Variants in NDUFA9 observed in about 807,000 individuals in gnomAD.
NDUFA9 encodes the protein NADH:ubiquinone oxidoreductase subunit A9, also known as NADH dehydrogenase [ubiquinone] 1 alpha subcomplex subunit 9, mitochondrial.
A neutral mutation model predicts 45.9 loss-of-function variants in NDUFA9; 23 were observed. The ratio of observed to expected loss-of-function variants is 0.50; its 90% CI spans 0.36 to 0.71. The LOEUF is 0.71. Ranked by LOEUF, NDUFA9 falls within the 30% of genes least tolerant of loss-of-function variation. The probability of loss-of-function intolerance (pLI) is 0.00; values close to 1 mark genes in which losing one functional copy is unlikely to be tolerated. For missense variants in NDUFA9, 466 were observed against 488.2 expected (o/e 0.95, Z 0.43); for synonymous variants, 176 against 170.5 (o/e 1.03, Z -0.25).
chr12:4,672,450 C>T (rs975706610), intron 8 of NDUFA9, among the ~76,000 whole-genome samples: 7 of 152,210 alleles, frequency 4.6e-5, no homozygotes, highest in African/African-American at 1.4e-4. Flanking sequence ...GCGGGTCCCA[C>T]CCCCACAGAG....
chr12:4,651,315 A>C (rs753553395), intron 1 of NDUFA9, among the ~76,000 whole-genome samples: 2 of 152,172 alleles, frequency 1.3e-5, no homozygotes, highest in Non-Finnish European at 2.9e-5. Context: ...AATGGAAGAA[A>C]GTGGAGAGGC....
chr12:4,683,438 A>G (rs530278720), intron 9 of NDUFA9, among the ~76,000 whole-genome samples: 1 of 152,326 alleles, frequency 6.6e-6, no homozygotes, highest in African/African-American at 2.4e-5. Flanking sequence ...TAGATAATGT[A>G]CTAGGTACTC....
chr12:4,649,707 T>C (rs912908987), intron 1 of NDUFA9, among the ~76,000 whole-genome samples: 4 of 152,188 alleles, frequency 2.6e-5, no homozygotes, highest in African/African-American at 9.7e-5. Context: ...CAAAAGCGTC[T>C]CTACGGATGT....
intron 8 of NDUFA9, among the ~76,000 whole-genome samples, chr12:4,670,953 G>T (rs1314331902): frequency 1.3e-5 from 2 of 152,070 alleles, no homozygotes; most frequent in Non-Finnish European, 2.9e-5. Context: ...TTTTACCTTT[G>T]CCCAGCCATT....
Position 4,674,154 on chromosome 12 carries a change from A to G in NDUFA9, c.800+4337A>G, listed in dbSNP as rs1256751717. ...ATCACCACCAGGCCTGCCTTACAAGAGCTCCTGAAGGAAGCACTAAACATG... is the reference window on the plus strand; with the variant it reads ...ATCACCACCAGGCCTGCCTTACAAGGGCTCCTGAAGGAAGCACTAAACATG... On this transcript the variant is annotated intron_variant, in intron 8 of 10. Transcript: ENST00000266544. Among the ~76,000 whole-genome samples, 3 of 152,200 alleles carry G rather than the reference A, an allele frequency of 2.0e-5. No individual in the cohort carries two copies. In the East Asian group the frequency reaches 5.8e-4, roughly 29 times the overall value.
chr12:4,674,018 A>G (rs1945903736), intron 8 of NDUFA9, among the ~76,000 whole-genome samples: 1 of 152,220 alleles, frequency 6.6e-6, no homozygotes, highest in Non-Finnish European at 1.5e-5. Context: ...AACATTCAAC[A>G]TTCTTAAAGA....
chr12:4,668,396 C>A, intron 6 of NDUFA9, 61 bp from the exon 7 acceptor site: 1 of 1,274,262 alleles, frequency 7.8e-7, no homozygotes, highest in Non-Finnish European at 1.1e-6. Flanking sequence ...AATCTTAAGA[C>A]TGTTGGATCT....
chr12:4,669,976 T>C (rs1439999619), intron 8 of NDUFA9, among the ~76,000 whole-genome samples, 159 bp downstream of exon 8: 1 of 152,222 alleles, frequency 6.6e-6, no homozygotes, highest in East Asian at 1.9e-4. Flanking sequence ...GAATCTACTT[T>C]AATGAATGAT....
chr12:4,659,178 G>A lies in NDUFA9; in HGVS notation c.552+1G>A. The A allele has an allele frequency of 6.2e-7, 1 of 1,609,922 alleles. No homozygotes were observed. The highest frequency in any genetic ancestry group is 8.5e-7 in the Non-Finnish European group (1 of 1,177,034). Reference sequence around the variant, plus strand: ...CTCTTCTAGATATTTGAGAAATAAGGTAAGTAACAAATTGATCTGGGAAGT... The same window carrying A: ...CTCTTCTAGATATTTGAGAAATAAGATAAGTAACAAATTGATCTGGGAAGT... On this transcript the variant is annotated splice_donor_variant, in intron 5 of 10. Transcript: ENST00000266544. LOFTEE classifies it high-confidence loss of function.
Position 4,654,833 on chromosome 12 carries a change from G to A in NDUFA9, c.229G>A (p.Gly77Arg). 5 of 1,610,926 alleles carry A rather than the reference G, an allele frequency of 3.1e-6. No homozygotes were observed. Among genetic ancestry groups the A allele is most frequent in the Non-Finnish European group, 4.2e-6 (5 of 1,178,810 alleles). The change falls in exon 3 of 11, where the codon GGG (glycine) becomes AGG (arginine). Residue 77 changes from glycine (G) to arginine (R), a missense_variant. By Grantham distance (125) the Gly-to-Arg change is moderately radical. Transcript: ENST00000266544. ...AATCCATTCTCTTTTAGGACGCATG[G>A]GGTCACAGGTAATCATACCCTATCG... ...RYVVNHLGRM[G>R]SQVIIPYRCD...
At chr12:4,663,058 T>C (rs1406523711) in intron 6 of NDUFA9, among the ~76,000 whole-genome samples, 2 of 152,234 alleles carry the variant, frequency 1.3e-5, no homozygotes, top group African/African-American at 2.4e-5. Context: ...GGATATTACA[T>C]ATATGGTTAG....
chr12:4,683,251 G>A (rs572357489), intron 9 of NDUFA9, among the ~76,000 whole-genome samples: 6 of 151,538 alleles, frequency 4.0e-5, no homozygotes, highest in South Asian at 2.1e-4. Context: ...CTCCTTTCTC[G>A]TCCTAGGTTT....
intron 8 of NDUFA9, among the ~76,000 whole-genome samples, chr12:4,673,916 G>A (rs1033524515): frequency 6.6e-6 from 1 of 152,208 alleles, no homozygotes; most frequent in African/African-American, 2.4e-5. Context: ...GGCAGCCAGA[G>A]AAAAAGGTCA....
Position 4,665,750 on chromosome 12 carries a change from T to TG in NDUFA9, c.656-2707_656-2706insG, listed in dbSNP as rs200868346. Among the ~76,000 whole-genome samples the TG allele has an allele frequency of 3.2e-3, 489 of 151,860 alleles. 3 individuals are homozygous for TG. Among genetic ancestry groups the TG allele is most frequent in the African/African-American group, 0.011 (451 of 41,466 alleles). On this transcript the variant is annotated intron_variant, in intron 6 of 10. Coordinates refer to ENST00000266544, the MANE Select transcript of NDUFA9 (RefSeq NM_005002.5). ...TGTCAATATTTGTTATTTTCTGTTT[T>TG]TTTTTTTTTTTATAATAGCCATCCT...
Position 4,662,069 on chromosome 12 carries a change from AG to A in NDUFA9, c.553-462del, listed in dbSNP as rs568622247. 1.1e-3 allele frequency among the ~76,000 whole-genome samples: 160 copies of A among 152,326 alleles called. 1 individual carries two copies. Among genetic ancestry groups the A allele is most frequent in the African/African-American group, 3.5e-3 (147 of 41,582 alleles). On this transcript the variant is annotated intron_variant, in intron 5 of 10. Transcript: ENST00000266544. Reference sequence around the variant, plus strand: ...GGAGGCTAGTAGATGATAACAAGTAAGGATGGTACAGCAATTGAGATTAGGA... The same window carrying A: ...GGAGGCTAGTAGATGATAACAAGTAAGATGGTACAGCAATTGAGATTAGGA...
rs201371580 is a variant in NDUFA9 at position 4,685,239 on chromosome 12, A to G, written c.897-20A>G. 383 of 1,598,104 alleles carry G rather than the reference A, an allele frequency of 2.4e-4. 1 individual carries two copies. The highest frequency in any genetic ancestry group is 1.1e-4 in the African/African-American group (8 of 74,484). ...CAGAGAGATGCTTATCACATGTGCT[A>G]TATGTATTTCTCTTTCCAGATGGGT... On this transcript the variant is annotated intron_variant, in intron 9 of 10. Transcript: ENST00000266544.
intron 6 of NDUFA9, among the ~76,000 whole-genome samples, chr12:4,667,212 C>G (rs1945858104): frequency 6.6e-6 from 1 of 152,102 alleles, no homozygotes; most frequent in South Asian, 2.1e-4. Context: ...TTCATGAAGC[C>G]TCCTTTATGA....
At chr12:4,655,717 G>A (rs958155367) in intron 3 of NDUFA9, 5 of 152,036 alleles carry the variant, frequency 3.3e-5, no homozygotes, top group South Asian at 2.1e-4. Flanking sequence ...TCCCTTTGTC[G>A]TCCTTTAATC....
rs115597180 is a variant in NDUFA9 at position 4,684,483 on chromosome 12, A to G, written c.897-776A>G. The stretch of plus-strand genomic sequence containing the variant: ...TTCCTCAGATGCTAGTTGAAAACCC[A>G]CTGCTACTGGGCACAGTGGTGTACA... On this transcript the variant is annotated intron_variant, in intron 9 of 10. Coordinates refer to ENST00000266544, the MANE Select transcript of NDUFA9 (RefSeq NM_005002.5). 4.6e-3 allele frequency among the ~76,000 whole-genome samples: 697 copies of G among 150,222 alleles called. 2 individuals carry two copies. Among genetic ancestry groups the G allele is most frequent in the African/African-American group, 0.016 (671 of 41,114 alleles).
Sources: allele counts gnomAD v4.1 joint callset (sites outside exome capture counted in the v4.1 genomes callset), GRCh38; gene constraint gnomAD v4.1.1; transcripts MANE v1.5; gene names NCBI Gene and HGNC (gene_info 2026-07-23, HGNC 2026-07-21).